The following MORC1 variants were observed in gnomAD, a reference collection of about 807,000 sequenced individuals.
The protein encoded by MORC1 is MORC family CW-type zinc finger 1, also known as MORC family CW-type zinc finger protein 1.
In MORC1, 59 loss-of-function variants were observed where a neutral mutation model predicts 134.9. The ratio of observed to expected loss-of-function variants is 0.44; its 90% CI spans 0.35 to 0.54. MORC1 has a LOEUF of 0.54. Ranked by LOEUF, MORC1 falls within the 20% of genes least tolerant of loss-of-function variation. The pLI, the probability that MORC1 is intolerant of heterozygous loss-of-function variation, is 0.00. For missense variants in MORC1, 947 were observed against 1,134.5 expected (o/e 0.83, Z 2.37); for synonymous variants, 395 against 391.7 (o/e 1.01, Z -0.10).
intron 9 of MORC1, 81 bp from the exon 10 acceptor site, chr3:109,063,312 A>T: frequency 1.1e-6 from 1 of 887,796 alleles, no homozygotes; most frequent in Non-Finnish European, 1.8e-6. Context: ...GTAAGACTAT[A>T]TGCTCCAGAG....
At chr3:109,059,894 G>A (rs757972208) in intron 11 of MORC1, 24 bp from the exon 12 acceptor site, 1 of 1,597,294 alleles carries the variant, frequency 6.3e-7, no homozygotes, top group Non-Finnish European at 8.5e-7. Flanking sequence ...TTGGTTGGGA[G>A]AGAACATAAT....
chr3:109,020,819 G>A (rs1283843731), intron 17 of MORC1, among the ~76,000 whole-genome samples: 1 of 151,658 alleles, frequency 6.6e-6, no homozygotes. Context: ...AATTGAGACA[G>A]AGGAAGGGAG....
At chr3:108,997,996 T>C (rs1316145168) in intron 21 of MORC1, among the ~76,000 whole-genome samples, 1 of 152,180 alleles carries the variant, frequency 6.6e-6, no homozygotes, top group Non-Finnish European at 1.5e-5. Flanking sequence ...GGAGCACAGG[T>C]AGGCATAGGG....
At chr3:108,977,209 G>A (rs905918218) in intron 24 of MORC1, among the ~76,000 whole-genome samples, 1 of 152,076 alleles carries the variant, frequency 6.6e-6, no homozygotes, top group East Asian at 1.9e-4. Flanking sequence ...CATGAGACTT[G>A]TAATGTGTTA....
At chr3:109,022,658 G>T (rs1418197926) in intron 17 of MORC1, among the ~76,000 whole-genome samples, 1 of 152,158 alleles carries the variant, frequency 6.6e-6, no homozygotes, top group Non-Finnish European at 1.5e-5. Context: ...AGAACATTTT[G>T]GTCTTCAGTA....
intron 1 of MORC1, 90 bp from the exon 2 acceptor site, chr3:109,114,527 A>G (rs1470906521): frequency 2.7e-6 from 3 of 1,091,682 alleles, no homozygotes; most frequent in East Asian, 2.6e-5. Flanking sequence ...AACGTTCTCC[A>G]GTTCCAGACA....
chr3:109,008,446 GTA>G (rs3054412), intron 17 of MORC1, among the ~76,000 whole-genome samples: 63,052 of 148,788 alleles, frequency 0.42, 13,953 homozygotes, highest in Middle Eastern at 0.55. Context: ...AGAGTGCAGA[GTA>G]TATATATATA....
chr3:109,054,752 G>C lies in MORC1; in HGVS notation c.1306C>G (p.Gln436Glu). 3 of 1,585,898 alleles carry C rather than the reference G, an allele frequency of 1.9e-6. No homozygotes were observed. The highest frequency in any genetic ancestry group is 2.6e-6 in the Non-Finnish European group (3 of 1,172,560). ...LLKVMGQYLV[Q>E]YCKDTGINNR... Reference sequence around the variant, plus strand: ...CTGATGCCGGTGTCCTTACAGTACTGGACCAAGTACTGTCCCATGACTTTT... The same window carrying C: ...CTGATGCCGGTGTCCTTACAGTACTCGACCAAGTACTGTCCCATGACTTTT... The change falls in exon 14 of 28, where the codon CAG becomes GAG. Residue 436 changes from glutamine (Q) to glutamate (E), a missense_variant. Transcript: ENST00000232603.
intron 14 of MORC1, among the ~76,000 whole-genome samples, chr3:109,045,162 C>T (rs1374183546): frequency 6.6e-6 from 1 of 152,048 alleles, no homozygotes; most frequent in African/African-American, 2.4e-5. Flanking sequence ...AAATGGTATA[C>T]CTGGAGAATG....
At chr3:109,089,287 T>G (rs1950673234) in intron 8 of MORC1, among the ~76,000 whole-genome samples, 1 of 152,122 alleles carries the variant, frequency 6.6e-6, no homozygotes, top group Non-Finnish European at 1.5e-5. Flanking sequence ...AAATCCATAT[T>G]AAGATTCCAT....
intron 20 of MORC1, among the ~76,000 whole-genome samples, chr3:109,001,384 G>A (rs1472967788): frequency 6.6e-6 from 1 of 152,054 alleles, no homozygotes; most frequent in Non-Finnish European, 1.5e-5. Context: ...ACTTTTAATG[G>A]CAAAAACAGC....
chr3:108,966,854 T>C (rs1368107159), intron 26 of MORC1, among the ~76,000 whole-genome samples: 1 of 152,080 alleles, frequency 6.6e-6, no homozygotes, highest in Non-Finnish European at 1.5e-5. Context: ...GGGGCACTCA[T>C]TTTAGATGGA....
intron 21 of MORC1, among the ~76,000 whole-genome samples, chr3:108,994,994 T>C (rs909798542): frequency 6.6e-6 from 1 of 152,216 alleles, no homozygotes; most frequent in Non-Finnish European, 1.5e-5. Context: ...AATCTCATTG[T>C]TTCATTTGTA....
intron 17 of MORC1, among the ~76,000 whole-genome samples, chr3:109,018,572 T>C (rs1182246780): frequency 1.3e-5 from 2 of 152,182 alleles, no homozygotes; most frequent in Admixed American, 1.3e-4. Context: ...GTTGCCACTC[T>C]CATACAGAAA....
intron 21 of MORC1, among the ~76,000 whole-genome samples, 174 bp from the exon 22 acceptor site, chr3:108,987,123 C>T (rs1031065084): frequency 6.6e-6 from 1 of 152,210 alleles, no homozygotes; most frequent in African/African-American, 2.4e-5. Flanking sequence ...AAACGATAAT[C>T]GCATAAATCT....
chr3:109,113,434 A>G (rs541770015), intron 2 of MORC1, among the ~76,000 whole-genome samples: 2 of 152,246 alleles, frequency 1.3e-5, no homozygotes, highest in African/African-American at 4.8e-5. Context: ...TTGTGGTCAC[A>G]CTCTCAGAAG....
chr3:109,018,593 C>G (rs1948877684), intron 17 of MORC1, among the ~76,000 whole-genome samples: 1 of 152,144 alleles, frequency 6.6e-6, no homozygotes, highest in Non-Finnish European at 1.5e-5. Flanking sequence ...TGTCCAGATA[C>G]ATTTTCTTAG....
intron 8 of MORC1, among the ~76,000 whole-genome samples, chr3:109,077,818 G>A (rs1345949227): frequency 1.3e-5 from 2 of 151,780 alleles, no homozygotes; most frequent in Non-Finnish European, 2.9e-5. Flanking sequence ...GACAGAAGCA[G>A]TTAGAATAAG....
chr3:109,089,329 A>G (rs1278880415), intron 8 of MORC1, among the ~76,000 whole-genome samples: 3 of 152,144 alleles, frequency 2.0e-5, no homozygotes, highest in African/African-American at 7.2e-5. Flanking sequence ...TCTATGTCCT[A>G]TGAATGAAAT....
Sources: gnomAD v4.1 joint callset for allele counts (sites outside exome capture counted in the v4.1 genomes callset) on GRCh38, gnomAD v4.1.1 for gene constraint, MANE v1.5 for transcripts, NCBI Gene and HGNC (gene_info 2026-07-23, HGNC 2026-07-21) for gene names.